PRKN: variants seen among roughly 807,000 people sequenced by gnomAD.
PRKN encodes the protein E3 ubiquitin-protein ligase parkin.
PRKN carries 56 observed loss-of-function variants against 59.5 expected under a neutral mutation model. That is an observed-to-expected ratio of 0.94 (90% CI 0.76 to 1.18). The LOEUF (loss-of-function observed/expected upper bound fraction) is 1.18, where lower values mean the gene tolerates loss of function less well. Ranked by LOEUF, PRKN falls within the 50% of genes most tolerant of loss-of-function variation. PRKN has a pLI of 0.00. For missense variants in PRKN, 657 were observed against 596.4 expected (o/e 1.10, Z -1.06); for synonymous variants, 250 against 222.1 (o/e 1.13, Z -1.12).
At chr6:162,510,980 T>C (rs1777587946) in intron 1 of PRKN, among the ~76,000 whole-genome samples, 1 of 151,844 alleles carries the variant, frequency 6.6e-6, no homozygotes, top group South Asian at 2.1e-4. Flanking sequence ...ATATACCCAC[T>C]GAACAATAAA....
In PRKN at chr6:161,679,683, C is replaced by CTT. The variant is rs1220954631; in HGVS notation, c.871+106088_871+106089insAA. ...GGTTTATAATAGAACCACCCCCCCC[C>CTT]CTTTTTTTTTTTTAAGAAACAGGAT... On this transcript the variant is annotated intron_variant, in intron 7 of 11. Transcript: ENST00000366898. 7.0e-5 allele frequency among the ~76,000 whole-genome samples: 9 copies of CTT among 128,736 alleles called. 1 individual carries two copies. Among genetic ancestry groups the CTT allele is most frequent in the Non-Finnish European group, 1.3e-4 (8 of 59,876 alleles). The allele number at this position is 128,736 out of a possible 152,430, so 84.5% of individuals were successfully genotyped here. A position where few individuals can be genotyped will look rare whatever the true frequency, so the allele number is the denominator to read the frequency against.
chr6:161,653,433 A>G (rs1784223134), intron 7 of PRKN, among the ~76,000 whole-genome samples: 1 of 152,110 alleles, frequency 6.6e-6, no homozygotes, highest in Admixed American at 6.5e-5. Context: ...ACTCACCCAG[A>G]CCCTGGCTGG....
In PRKN at chr6:161,532,226, C is replaced by A. The variant is rs536471704; in HGVS notation, c.1083+16628G>T. On this transcript the variant is annotated intron_variant, in intron 9 of 11. Transcript: ENST00000366898. Reference sequence around the variant, plus strand: ...ATGTGTCTATAAGTACAAGATGCTTCTTGCAGAAAAATTTGCCTAGAGACT... The same window carrying A: ...ATGTGTCTATAAGTACAAGATGCTTATTGCAGAAAAATTTGCCTAGAGACT... Among the ~76,000 whole-genome samples the A allele has an allele frequency of 2.0e-5, 3 of 150,564 alleles. No individual in the cohort carries two copies. In the South Asian group the frequency reaches 6.3e-4, roughly 32 times the overall value.
intron 3 of PRKN, among the ~76,000 whole-genome samples, chr6:162,249,798 C>G (rs568607551): frequency 6.6e-4 from 101 of 152,190 alleles, no homozygotes; most frequent in Non-Finnish European, 1.2e-3. Flanking sequence ...CATGTTTCAT[C>G]TGGATGAAAA....
intron 4 of PRKN, among the ~76,000 whole-genome samples, chr6:162,132,139 C>G (rs1477540215): frequency 2.0e-5 from 3 of 152,182 alleles, no homozygotes; most frequent in African/African-American, 7.2e-5. Context: ...ACATCATATG[C>G]AGTGGGAACA....
chr6:162,504,899 A>G (rs1017536017), intron 1 of PRKN, among the ~76,000 whole-genome samples: 11 of 152,226 alleles, frequency 7.2e-5, no homozygotes, highest in Non-Finnish European at 1.2e-4. Flanking sequence ...TAGGCAGGGC[A>G]CAGAGGAGGT....
chr6:162,709,792 G>C (rs1778461767), intron 1 of PRKN, among the ~76,000 whole-genome samples: 1 of 151,742 alleles, frequency 6.6e-6, no homozygotes, highest in African/African-American at 2.4e-5. Flanking sequence ...AAGGAACATA[G>C]CTATCTGGAG....
At chr6:161,368,481 G>C (rs1331863488) in intron 10 of PRKN, among the ~76,000 whole-genome samples, 1 of 149,112 alleles carries the variant, frequency 6.7e-6, no homozygotes, top group African/African-American at 2.5e-5. Context: ...CTTGAATCCA[G>C]AAGGTGGAGA....
At position 161,739,545 on chromosome 6, in the gene PRKN, G is replaced by A. The variant is rs182203987; in HGVS notation, c.871+46227C>T. ...GCTATTCATACTTACGTGTATAATC[G>A]GATTAGTCGGGAAGAGTCGGCATGA... On this transcript the variant is annotated intron_variant, in intron 7 of 11. Coordinates refer to ENST00000366898, the MANE Select transcript of PRKN (RefSeq NM_004562.3). 4.2e-3 allele frequency among the ~76,000 whole-genome samples: 641 copies of A among 152,154 alleles called. 11 individuals carry two copies. The highest frequency in any genetic ancestry group is 0.036 in the Admixed American group (547 of 15,284).
chr6:161,470,240 A>G lies in PRKN; in HGVS notation c.1083+78614T>C, dbSNP rs1392865779. Among the ~76,000 whole-genome samples, 1 of 152,212 alleles carries G rather than the reference A, an allele frequency of 6.6e-6. No individual in the cohort carries two copies. Among genetic ancestry groups the G allele is most frequent in the Admixed American group, 6.5e-5 (1 of 15,282 alleles). ...CCACATAATTTTTGTGTTTGATTAT[A>G]TGCTTTAGTTATATTACTACCTTTG... is the stretch of plus-strand genomic sequence containing the variant. On this transcript the variant is annotated intron_variant, in intron 9 of 11. Transcript: ENST00000366898. The surrounding 1 kb of genome is among the most constrained non-coding windows in gnomAD (Gnocchi z 5.1).
chr6:162,707,828 C>T (rs1051588341), intron 1 of PRKN, among the ~76,000 whole-genome samples: 39 of 152,232 alleles, frequency 2.6e-4, no homozygotes, highest in African/African-American at 9.2e-4. Flanking sequence ...ATCCACCTTG[C>T]CTTGGCTTCC....
intron 4 of PRKN, among the ~76,000 whole-genome samples, chr6:162,072,142 G>T (rs1357021000): frequency 1.3e-5 from 2 of 152,076 alleles, no homozygotes; most frequent in African/African-American, 4.8e-5. Flanking sequence ...GATTACACAG[G>T]CTGGGCGCGG....
At chr6:161,660,871 A>G (rs889439102) in intron 7 of PRKN, among the ~76,000 whole-genome samples, 1 of 151,964 alleles carries the variant, frequency 6.6e-6, no homozygotes, top group Non-Finnish European at 1.5e-5. Context: ...ATTGATTTTT[A>G]CCCAAAACCT....
At position 161,454,976 on chromosome 6, in the gene PRKN, G is replaced by C. The variant is rs971883504; in HGVS notation, c.1084-68099C>G. On this transcript the variant is annotated intron_variant, in intron 9 of 11. Transcript: ENST00000366898. The surrounding 1 kb of genome is among the most constrained non-coding windows in gnomAD (Gnocchi z 4.6). ...ATTACATCTAGATTTGTCATATCCT[G>C]TCTCTCCTATTAGAACATAGACTTC... Among the ~76,000 whole-genome samples, 2 of 151,196 alleles carry C rather than the reference G, an allele frequency of 1.3e-5. No individual in the cohort carries two copies. Among genetic ancestry groups the C allele is most frequent in the Non-Finnish European group, 2.9e-5 (2 of 67,940 alleles).
intron 2 of PRKN, among the ~76,000 whole-genome samples, chr6:162,400,786 C>T (rs1787753756): frequency 6.6e-6 from 1 of 152,090 alleles, no homozygotes; most frequent in African/African-American, 2.4e-5. Context: ...GCTTATGGAA[C>T]AGTCATTTCC....
intron 2 of PRKN, among the ~76,000 whole-genome samples, chr6:162,344,219 A>G (rs1286772923): frequency 6.6e-6 from 1 of 152,130 alleles, no homozygotes; most frequent in African/African-American, 2.4e-5. Context: ...TTTTCTGGAA[A>G]TGCTCCCAAT....
rs1194030784 is a variant in PRKN at position 161,399,638 on chromosome 6, A to G, written c.1084-12761T>C. Among the ~76,000 whole-genome samples the G allele has an allele frequency of 6.6e-6, 1 of 152,188 alleles. No homozygotes were observed. The highest frequency in any genetic ancestry group is 1.5e-5 in the Non-Finnish European group (1 of 68,046). On this transcript the variant is annotated intron_variant, in intron 9 of 11. Coordinates refer to ENST00000366898, the MANE Select transcript of PRKN (RefSeq NM_004562.3). The surrounding 1 kb of genome is among the most constrained non-coding windows in gnomAD (Gnocchi z 4.4). ...GAACTCTCCCGTTTCAGCAGTAAGA[A>G]GAGGAAGGTGAACTGGGACCAATGG...
At chr6:162,297,332 A>ACTTT (rs1781726153) in intron 2 of PRKN, among the ~76,000 whole-genome samples, 2 of 152,152 alleles carry the variant, frequency 1.3e-5, no homozygotes, top group Non-Finnish European at 2.9e-5. Context: ...AGATCCTGGT[A>ACTTT]GTAATATTGA....
intron 1 of PRKN, among the ~76,000 whole-genome samples, chr6:162,486,256 T>C (rs1792536197): frequency 6.6e-6 from 1 of 152,218 alleles, no homozygotes. Flanking sequence ...ATGATTGATA[T>C]ATATGATGCA....
Sources: gnomAD v4.1 joint callset for allele counts (sites outside exome capture counted in the v4.1 genomes callset) on GRCh38, gnomAD v4.1.1 for gene constraint, Gnocchi (gnomAD v3.1) non-coding constraint, MANE v1.5 for transcripts, NCBI Gene and HGNC (gene_info 2026-07-23, HGNC 2026-07-21) for gene names.